Variants in WWOX observed in about 807,000 individuals in gnomAD.
WWOX encodes the protein WW domain containing oxidoreductase, also known as WW domain-containing oxidoreductase.
In WWOX, 69 loss-of-function variants were observed where a neutral mutation model predicts 46.2. The observed-to-expected ratio is 1.49, with a 90% confidence interval of 1.23 to 1.82. WWOX has a LOEUF of 1.82. WWOX is among the 40% of genes most tolerant of loss of function. The pLI is 0.00. For missense variants in WWOX, 919 were observed against 542.6 expected (o/e 1.69, Z -6.89); for synonymous variants, 359 against 202.6 (o/e 1.77, Z -6.56).
At chr16:78,336,677 C>T (rs2080896748) in intron 5 of WWOX, among the ~76,000 whole-genome samples, 1 of 152,056 alleles carries the variant, frequency 6.6e-6, no homozygotes, top group Non-Finnish European at 1.5e-5. Context: ...CATGGGGGAA[C>T]ATAGACCCAG....
chr16:78,347,477 C>T (rs1027480936), intron 5 of WWOX, among the ~76,000 whole-genome samples: 1 of 117,550 alleles, frequency 8.5e-6, no homozygotes, highest in Admixed American at 8.4e-5. Context: ...CCACAATGTC[C>T]CCCCACATAT....
chr16:78,742,960 G>A lies in WWOX; in HGVS notation c.1056+310208G>A, dbSNP rs569948194. Among the ~76,000 whole-genome samples, 20 of 152,242 alleles carry A rather than the reference G, an allele frequency of 1.3e-4. No individual in the cohort carries two copies. The South Asian group carries it at 4.1e-3, about 32-fold the overall frequency. ...GGCCCTGGCTTGTGGAAGAGTAAGA[G>A]GGGCCTCGTTAATGTCTCCCAAGCA... On this transcript the variant is annotated intron_variant, in intron 8 of 8. Transcript: ENST00000566780.
At chr16:78,665,908 C>T (rs941527606) in intron 8 of WWOX, among the ~76,000 whole-genome samples, 7 of 151,976 alleles carry the variant, frequency 4.6e-5, no homozygotes, top group African/African-American at 1.4e-4. Flanking sequence ...TGGTCTTGAA[C>T]TCCTGACTTC....
chr16:78,691,135 C>G, intron 8 of WWOX: 3 of 646,338 alleles, frequency 4.6e-6, no homozygotes, highest in Non-Finnish European at 2.8e-6. Flanking sequence ...TTTAGAAGTT[C>G]ATAAAAGCAA....
intron 8 of WWOX, chr16:79,204,198 T>C (rs2051433862): frequency 6.6e-6 from 1 of 152,158 alleles, no homozygotes; most frequent in Non-Finnish European, 1.5e-5. Flanking sequence ...GCAATGTAGG[T>C]ATCCCAGGCA....
In WWOX at chr16:78,549,463, G is replaced by T. The variant is rs117586004; in HGVS notation, c.1056+116711G>T. 2.3e-3 allele frequency among the ~76,000 whole-genome samples: 346 copies of T among 152,224 alleles called. 8 individuals are homozygous for T. The East Asian group carries it at 0.049, about 21-fold the overall frequency. On this transcript the variant is annotated intron_variant, in intron 8 of 8. Transcript: ENST00000566780. ...TAATCTCTTCAGGGTTTCCCATTCA[G>T]TCATGATATGCGGTTCAGAGAAAGT...
chr16:78,644,709 C>T (rs2046799495), intron 8 of WWOX, among the ~76,000 whole-genome samples: 2 of 152,142 alleles, frequency 1.3e-5, no homozygotes, highest in South Asian at 2.1e-4. Flanking sequence ...GTGATCTGCC[C>T]GCCTTTGCCT....
intron 8 of WWOX, among the ~76,000 whole-genome samples, chr16:78,653,558 G>T (rs916690663): frequency 6.6e-6 from 1 of 152,222 alleles, no homozygotes; most frequent in Non-Finnish European, 1.5e-5. Flanking sequence ...CAGGAAGAGA[G>T]ACCTTCTGCT....
chr16:78,937,089 C>A (rs1006781533), intron 8 of WWOX, among the ~76,000 whole-genome samples: 2 of 152,150 alleles, frequency 1.3e-5, no homozygotes, highest in African/African-American at 4.8e-5. Context: ...TTCAAAATAG[C>A]TTCTCAGTAA....
intron 8 of WWOX, among the ~76,000 whole-genome samples, chr16:78,933,922 T>C (rs1441581242): frequency 4.6e-5 from 7 of 152,052 alleles, no homozygotes. Flanking sequence ...CTGGGTGAAG[T>C]GGCTCGCACC....
chr16:78,885,962 T>C (rs78320229), intron 8 of WWOX, among the ~76,000 whole-genome samples: 3,207 of 149,886 alleles, frequency 0.021, 107 homozygotes, highest in Admixed American at 0.087. Flanking sequence ...TTTTGCTCTG[T>C]TGCCCAGGCT....
At chr16:78,976,317 A>G (rs957785850) in intron 8 of WWOX, among the ~76,000 whole-genome samples, 1 of 152,310 alleles carries the variant, frequency 6.6e-6, no homozygotes, top group Admixed American at 6.5e-5. Flanking sequence ...TAGTTTTGAA[A>G]TGAGAACCGA....
intron 8 of WWOX, among the ~76,000 whole-genome samples, chr16:78,594,429 G>GCCTC (rs1171391505): frequency 1.5e-4 from 5 of 32,380 alleles, no homozygotes; most frequent in Non-Finnish European, 2.1e-4. Flanking sequence ...CTGAGGAAAG[G>GCCTC]CCCCCCCCCC....
chr16:78,692,933 G>C (rs371543247), intron 8 of WWOX, among the ~76,000 whole-genome samples: 117 of 152,268 alleles, frequency 7.7e-4, no homozygotes, highest in African/African-American at 2.7e-3. Flanking sequence ...GTGTTTTAAA[G>C]CTAAAACTTG....
intron 8 of WWOX, among the ~76,000 whole-genome samples, chr16:78,675,878 A>G (rs1597430435): frequency 6.6e-6 from 1 of 152,246 alleles, no homozygotes; most frequent in African/African-American, 2.4e-5. Flanking sequence ...TACCTGTGGC[A>G]TACTCATTAT....
At chr16:78,296,513 T>C (rs1438970270) in intron 5 of WWOX, among the ~76,000 whole-genome samples, 2 of 150,566 alleles carry the variant, frequency 1.3e-5, no homozygotes, top group East Asian at 3.9e-4. Flanking sequence ...TATATGTATA[T>C]ATATTATTAT....
In WWOX at chr16:78,520,088, C is replaced by T. The variant is rs1351599088; in HGVS notation, c.1056+87336C>T. ...ACATTCACTTAGTTTCGAAAGGTTT[C>T]TCCCTCCACTCCCATCCCGGCCACA... On this transcript the variant is annotated intron_variant, in intron 8 of 8. Transcript: ENST00000566780. Among the ~76,000 whole-genome samples, 4 of 152,306 alleles carry T rather than the reference C, an allele frequency of 2.6e-5. No homozygotes were observed. In the East Asian group the frequency reaches 7.7e-4, roughly 29 times the overall value.
chr16:78,701,119 A>G (rs2048207096), intron 8 of WWOX, among the ~76,000 whole-genome samples: 1 of 152,150 alleles, frequency 6.6e-6, no homozygotes, highest in Non-Finnish European at 1.5e-5. Context: ...GTTACCTCAC[A>G]AGGTAGCTGT....
chr16:78,913,201 C>T (rs565761723), intron 8 of WWOX, among the ~76,000 whole-genome samples: 1 of 152,022 alleles, frequency 6.6e-6, no homozygotes, highest in Non-Finnish European at 1.5e-5. Context: ...CTCATCCTTG[C>T]AGGGAGTGGG....
Sources: allele counts gnomAD v4.1 joint callset (sites outside exome capture counted in the v4.1 genomes callset), GRCh38; gene constraint gnomAD v4.1.1; transcripts MANE v1.5; gene names NCBI Gene and HGNC (gene_info 2026-07-23, HGNC 2026-07-21).